The following SPAG16 variants were observed in gnomAD, a reference collection of about 807,000 sequenced individuals.
The protein encoded by SPAG16 is sperm-associated antigen 16 protein.
Under a neutral mutation model 80.4 loss-of-function variants are expected in SPAG16, and 86 were observed. That is an observed-to-expected ratio of 1.07 (90% CI 0.90 to 1.28). SPAG16 has a LOEUF of 1.28. Ranked by LOEUF, SPAG16 falls within the 50% of genes most tolerant of loss-of-function variation. The probability of loss-of-function intolerance (pLI) is 0.00; values close to 1 mark genes in which losing one functional copy is unlikely to be tolerated. For synonymous variants in SPAG16, 294 were observed against 265.9 expected, an observed-to-expected ratio of 1.11 and a Z score of -1.03; for missense variants, 870 against 765.3, an observed-to-expected ratio of 1.14 and a Z score of -1.61.
intron 12 of SPAG16, among the ~76,000 whole-genome samples, chr2:213,982,820 T>C (rs970603072): frequency 1.3e-5 from 2 of 152,058 alleles, no homozygotes; most frequent in African/African-American, 4.8e-5. Flanking sequence ...GCTTTGTTTT[T>C]GATTTGTCAA....
intron 10 of SPAG16, among the ~76,000 whole-genome samples, chr2:213,560,415 G>A (rs2059565441): frequency 6.6e-6 from 1 of 151,976 alleles, no homozygotes; most frequent in Admixed American, 6.6e-5. Context: ...TTGATGAAGA[G>A]AATCCATTCA....
chr2:213,800,213 T>C (rs571855631), intron 10 of SPAG16, among the ~76,000 whole-genome samples: 8 of 152,270 alleles, frequency 5.3e-5, no homozygotes, highest in Non-Finnish European at 8.8e-5. Flanking sequence ...CCTAATATCC[T>C]GGTTTTTATA....
chr2:214,140,546 A>G (rs1409441696), intron 14 of SPAG16, among the ~76,000 whole-genome samples: 1 of 152,028 alleles, frequency 6.6e-6, no homozygotes, highest in Admixed American at 6.6e-5. Flanking sequence ...TTGTATTACA[A>G]TCTTCCCCAT....
At position 214,309,208 on chromosome 2, in the gene SPAG16, T is replaced by A. The variant is rs189852858; in HGVS notation, c.1721-100932T>A. ...TATTAATACTTTTGTAATTGCATTA[T>A]GAAATTCTTGTTTTTAAGTTCTGTC... On this transcript the variant is annotated intron_variant, in intron 15 of 15. Coordinates refer to ENST00000331683, the MANE Select transcript of SPAG16 (RefSeq NM_024532.5). Among the ~76,000 whole-genome samples, 798 of 152,308 alleles carry A rather than the reference T, an allele frequency of 5.2e-3. 6 individuals carry two copies. The highest frequency in any genetic ancestry group is 0.013 in the South Asian group (62 of 4,824).
At chr2:214,235,036 C>A (rs561705743) in intron 15 of SPAG16, among the ~76,000 whole-genome samples, 6 of 152,088 alleles carry the variant, frequency 3.9e-5, no homozygotes, top group African/African-American at 9.6e-5. Context: ...CAAATTATGA[C>A]CCTCTTGAAA....
chr2:213,306,098 C>A (rs1436310028), intron 3 of SPAG16, among the ~76,000 whole-genome samples: 3 of 151,964 alleles, frequency 2.0e-5, no homozygotes, highest in South Asian at 4.1e-4. Flanking sequence ...TTATCCATTT[C>A]TTCTAGGCTT....
rs538883475 is a variant in SPAG16, at chr2:214,345,753, G to A, written c.1721-64387G>A. On this transcript the variant is annotated intron_variant, in intron 15 of 15. Transcript: ENST00000331683. The stretch of plus-strand genomic sequence containing the variant: ...ACTATGCTGACTGATAACACCATAC[G>A]TTATTATTATATTATAATAACAGGC... 4.3e-4 allele frequency among the ~76,000 whole-genome samples: 66 copies of A among 151,956 alleles called. 1 individual carries two copies. Among genetic ancestry groups the A allele is most frequent in the Admixed American group, 1.4e-3 (22 of 15,244 alleles).
chr2:213,337,264 A>G (rs1329732446), intron 5 of SPAG16, among the ~76,000 whole-genome samples: 5 of 152,250 alleles, frequency 3.3e-5, no homozygotes, highest in African/African-American at 1.2e-4. Context: ...GACGATGAGA[A>G]AGAATCAACA....
intron 13 of SPAG16, among the ~76,000 whole-genome samples, chr2:214,025,440 A>G (rs1353088578): frequency 1.3e-5 from 2 of 151,712 alleles, no homozygotes; most frequent in African/African-American, 4.8e-5. Flanking sequence ...ACTGTTATTC[A>G]TTCTTTTATA....
At chr2:213,461,898 G>A (rs973698667) in intron 9 of SPAG16, among the ~76,000 whole-genome samples, 1 of 152,232 alleles carries the variant, frequency 6.6e-6, no homozygotes, top group East Asian at 1.9e-4. Flanking sequence ...GTATGTGTAT[G>A]TGTATGTGTG....
chr2:213,804,466 A>G (rs1463517588), intron 10 of SPAG16, among the ~76,000 whole-genome samples: 2 of 152,080 alleles, frequency 1.3e-5, no homozygotes, highest in East Asian at 1.9e-4. Context: ...GGCAGATCAC[A>G]AGGTCAAGAG....
rs955305114 is a variant in SPAG16, at chr2:213,340,105, A to C, written c.537-58A>C. 4.5e-6 allele frequency: 5 copies of C among 1,122,200 alleles called. No homozygotes were observed. In the African/African-American group the frequency reaches 6.3e-5, roughly 14 times the overall value. 69.5% of individuals were successfully genotyped at this position (1,122,200 alleles called of 1,614,324 possible). A position where few individuals can be genotyped will look rare whatever the true frequency, so the allele number is the denominator to read the frequency against. ...CAATACTGGATTTGAACTCAAGACT[A>C]AATAATTTTTCGAAAAAGAATTAGC... On this transcript the variant is annotated intron_variant, in intron 5 of 15. Transcript: ENST00000331683.
intron 10 of SPAG16, among the ~76,000 whole-genome samples, chr2:213,665,448 G>A (rs530845374): frequency 2.6e-5 from 4 of 152,054 alleles, no homozygotes; most frequent in African/African-American, 4.8e-5. Context: ...CCCTATTAAG[G>A]GACAAGGATA....
At chr2:213,969,110 G>A (rs1243935372) in intron 12 of SPAG16, among the ~76,000 whole-genome samples, 1 of 152,226 alleles carries the variant, frequency 6.6e-6, no homozygotes, top group African/African-American at 2.4e-5. Context: ...GTGTAGTGGT[G>A]TGAAATTAAC....
intron 10 of SPAG16, among the ~76,000 whole-genome samples, chr2:213,833,711 G>A (rs1226957303): frequency 1.4e-5 from 2 of 138,302 alleles, no homozygotes; most frequent in African/African-American, 2.8e-5. Flanking sequence ...GATAGACCAC[G>A]TAAAACAAAC....
intron 15 of SPAG16, among the ~76,000 whole-genome samples, chr2:214,236,662 A>G (rs1204882813): frequency 6.6e-6 from 1 of 152,158 alleles, no homozygotes; most frequent in Non-Finnish European, 1.5e-5. Flanking sequence ...AAAAAAAAAA[A>G]AAGATACAAT....
Position 214,175,374 on chromosome 2 carries a change from G to A in SPAG16, c.1720+26108G>A, listed in dbSNP as rs1484336564. Among the ~76,000 whole-genome samples, 4 of 149,284 alleles carry A rather than the reference G, an allele frequency of 2.7e-5. No individual in the cohort carries two copies. The Admixed American group carries it at 2.7e-4, about 10-fold the overall frequency. On this transcript the variant is annotated intron_variant, in intron 15 of 15. Transcript: ENST00000331683. ...ATCAGAGAAATTCTGTGAATAAAAG[G>A]AATTGGATTGATGAATGTGGTCTTC...
chr2:213,890,827 T>C (rs1316910041), intron 11 of SPAG16, among the ~76,000 whole-genome samples: 5 of 152,010 alleles, frequency 3.3e-5, no homozygotes, highest in African/African-American at 9.7e-5. Flanking sequence ...TTTTCATTAG[T>C]TAAATTTTGA....
At chr2:213,327,480 C>T (rs137891198) in intron 5 of SPAG16, among the ~76,000 whole-genome samples, 13 of 152,148 alleles carry the variant, frequency 8.5e-5, no homozygotes, top group African/African-American at 3.1e-4. Context: ...GGGACGAGCA[C>T]AAATAGGCTT....
Sources: allele counts gnomAD v4.1 joint callset (sites outside exome capture counted in the v4.1 genomes callset), GRCh38; gene constraint gnomAD v4.1.1; transcripts MANE v1.5; gene names NCBI Gene and HGNC (gene_info 2026-07-23, HGNC 2026-07-21).